The following TMEM184A variants were observed in gnomAD, a reference collection of about 807,000 sequenced individuals.
TMEM184A encodes sexually dimorphic, expressed in male gonads 1.
In TMEM184A, 40 loss-of-function variants were observed where a neutral mutation model predicts 39.5. The observed-to-expected ratio is 1.01, with a 90% CI of 0.79 to 1.32. The LOEUF is 1.32. Ranked by LOEUF, TMEM184A falls within the 40% of genes most tolerant of loss-of-function variation. The pLI is 0.00. For missense variants in TMEM184A, 603 were observed against 568.8 expected (o/e 1.06, Z -0.61); for synonymous variants, 280 against 252.3 (o/e 1.11, Z -1.04).
Position 1,545,242 on chromosome 7 carries a change from T to C in TMEM184A, c.*1710A>G, listed in dbSNP as rs900227363. Reference sequence around the variant, plus strand: ...TCCTGTGGGGATCCAATAAGACAGGTGGGCGTCTTTGCAGCCGTGCAGGGA... The same window carrying C: ...TCCTGTGGGGATCCAATAAGACAGGCGGGCGTCTTTGCAGCCGTGCAGGGA... On this transcript the variant is annotated 3_prime_UTR_variant, in exon 9 of 9. Coordinates refer to ENST00000297477, the MANE Select transcript of TMEM184A (RefSeq NM_001097620.2). 2.0e-5 allele frequency: 3 copies of C among 152,208 alleles called. No individual in the cohort carries two copies. Among genetic ancestry groups the C allele is most frequent in the African/African-American group, 7.3e-5 (3 of 41,370 alleles). The allele number at this position is 152,208 out of a possible 1,614,324, so 9.4% of individuals were successfully genotyped here. A position where few individuals can be genotyped will look rare whatever the true frequency, so the allele number is the denominator to read the frequency against.
rs1778504991 is a variant in TMEM184A at position 1,555,188 on chromosome 7, A to AG, written c.219+77dup. The AG allele has an allele frequency of 1.6e-6, 2 of 1,253,420 alleles. No individual in the cohort carries two copies. Among genetic ancestry groups the AG allele is most frequent in the African/African-American group, 1.5e-5 (1 of 66,520 alleles). The allele number at this position is 1,253,420 out of a possible 1,614,324, so 77.6% of individuals were successfully genotyped here. ...GACAGCGTCTATAGCAGCGGCACCCAGGGGGACCGGGCTGAGCCACGGCCA... is the reference window on the plus strand; with the variant it reads ...GACAGCGTCTATAGCAGCGGCACCCAGGGGGGACCGGGCTGAGCCACGGCCA... On this transcript the variant is annotated intron_variant, in intron 2 of 8. Transcript: ENST00000297477. The surrounding 1 kb of genome is among the most constrained non-coding windows in gnomAD (Gnocchi z 5.2).
chr7:1,547,867 C>A lies in TMEM184A; in HGVS notation c.887G>T (p.Gly296Val). 6.2e-7 allele frequency: 1 copy of A among 1,604,144 alleles called. No homozygotes were observed. The highest frequency in any genetic ancestry group is 2.3e-5 in the East Asian group (1 of 44,398). The change falls in exon 8 of 9, where the codon GGG becomes GTG. Residue 296 changes from glycine (G) to valine (V), a missense_variant. Coordinates refer to ENST00000297477, the MANE Select transcript of TMEM184A (RefSeq NM_001097620.2). ...EVETSGGNKL[G>V]AGTLAAGYQN... ...GTAGCCGGCGGCCAGCGTGCCAGCC[C>A]CCAGCTTGTTCCCGCCGCTGGTCTC...
intron 6 of TMEM184A, 104 bp downstream of exon 6, chr7:1,549,750 T>G: frequency 9.3e-7 from 1 of 1,080,378 alleles, no homozygotes; most frequent in Non-Finnish European, 1.3e-6. Flanking sequence ...CCACCTTACT[T>G]GAGCCCAGCT....
chr7:1,546,823 C>T lies in TMEM184A; in HGVS notation c.*129G>A, dbSNP rs1583211578. 3.2e-5 allele frequency: 20 copies of T among 631,232 alleles called. No individual in the cohort carries two copies. The East Asian group carries it at 3.7e-4, about 12-fold the overall frequency. 39.1% of individuals were successfully genotyped at this position (631,232 alleles called of 1,614,324 possible). A position where few individuals can be genotyped will look rare whatever the true frequency, so the allele number is the denominator to read the frequency against. ...TGGAGGGAGGATGGGAAGTGGGCTC[C>T]GAGGGCCTCACAGGTGGGCTCTCAG... is the stretch of plus-strand genomic sequence containing the variant. On this transcript the variant is annotated 3_prime_UTR_variant, in exon 9 of 9. Transcript: ENST00000297477.
At chr7:1,548,857 AGCGTGGGGAGCTGGGGGTG>A in intron 6 of TMEM184A, 169 bp from the exon 7 acceptor site, 1 of 845,158 alleles carries the variant, frequency 1.2e-6, no homozygotes, top group Non-Finnish European at 1.9e-6. Flanking sequence ...CCTGCAGGAG[AGCGTGGGGAGCTGGGGGTG>A]GCTGGGGGGC....
At chr7:1,552,072 G>A (rs1046359456) in intron 2 of TMEM184A, among the ~76,000 whole-genome samples, 4 of 151,884 alleles carry the variant, frequency 2.6e-5, no homozygotes, top group Non-Finnish European at 4.4e-5. Flanking sequence ...TTGAACTCCC[G>A]GGCTCGAGTG....
At position 1,544,803 on chromosome 7, in the gene TMEM184A, C is replaced by T. The variant is rs1260826694; in HGVS notation, c.*2149G>A. 1.3e-5 allele frequency: 2 copies of T among 152,272 alleles called. No homozygotes were observed. The highest frequency in any genetic ancestry group is 1.9e-4 in the East Asian group (1 of 5,192). The allele number at this position is 152,272 out of a possible 1,614,324, so 9.4% of individuals were successfully genotyped here. ...GCTCTGTGACCTCAGGCAACTTGCT[C>T]CGTCTCTCTGGGCTCGGTCGCTGTC... On this transcript the variant is annotated 3_prime_UTR_variant, in exon 9 of 9. Coordinates refer to ENST00000297477, the MANE Select transcript of TMEM184A (RefSeq NM_001097620.2).
Position 1,555,615 on chromosome 7 carries a change from C to A in TMEM184A, c.1-131G>T, listed in dbSNP as rs1450912774. 7 of 721,444 alleles carry A rather than the reference C, an allele frequency of 9.7e-6. No homozygotes were observed. In the Admixed American group the frequency reaches 1.3e-4, roughly 14 times the overall value. 44.7% of individuals were successfully genotyped at this position (721,444 alleles called of 1,614,324 possible). A position where few individuals can be genotyped will look rare whatever the true frequency, so the allele number is the denominator to read the frequency against. On this transcript the variant is annotated intron_variant, in intron 1 of 8. Transcript: ENST00000297477. The surrounding 1 kb of genome is among the most constrained non-coding windows in gnomAD (Gnocchi z 5.2). ...AGGCTGAGCCACCCACCAGGCCGCA[C>A]CCCCCACACGGACACCAGCGCCAGG...
chr7:1,547,180 G>T lies in TMEM184A; in HGVS notation c.1014C>A (p.Ala338=), dbSNP rs200991300. The T allele has an allele frequency of 1.2e-3, 1,955 of 1,573,596 alleles. 46 individuals are homozygous for T. The South Asian group carries it at 0.02, about 16-fold the overall frequency. ...AGATGCTCTGCATGGGTGCCGGGGG[G>T]GCTGGGGGAGGGCAGTGTATGAGCC... ...VYAEKKENSP[A]PPAPMQSISS... is the part of the protein sequence containing the mutation. The change falls in exon 9 of 9, where the codon GCC becomes GCA. Residue 338 remains alanine, a splice_region_variant and synonymous_variant. Transcript: ENST00000297477.
At position 1,547,809 on chromosome 7, in the gene TMEM184A, G is replaced by T; in HGVS notation, c.945C>A (p.Phe315Leu). ...QNFIICVEMLFASVALRYAFP... is the reference protein window; with the variant it reads ...QNFIICVEMLLASVALRYAFP... The stretch of plus-strand genomic sequence containing the variant: ...AGGCATAACGCAGGGCCACGGAGGC[G>T]AACAGCATCTCCACGCAGATGATGA... Residue 315 changes from phenylalanine to leucine, a missense_variant, in exon 8 of 9, where the codon TTC becomes TTA. Transcript: ENST00000297477. 1 of 1,612,834 alleles carries T rather than the reference G, an allele frequency of 6.2e-7. No individual in the cohort carries two copies. Among genetic ancestry groups the T allele is most frequent in the Non-Finnish European group, 8.5e-7 (1 of 1,179,856 alleles).
chr7:1,553,516 A>G (rs1239102021), intron 2 of TMEM184A, among the ~76,000 whole-genome samples: 1 of 152,144 alleles, frequency 6.6e-6, no homozygotes, highest in African/African-American at 2.4e-5. Context: ...GGGTCAGCCG[A>G]GCCTGGGAGC....
chr7:1,554,499 G>C (rs773332363), intron 2 of TMEM184A, among the ~76,000 whole-genome samples: 3 of 152,128 alleles, frequency 2.0e-5, no homozygotes, highest in African/African-American at 7.2e-5. Flanking sequence ...TGGCCCTCGC[G>C]GGCCTACACA....
chr7:1,556,026 G>T (rs936157715), intron 1 of TMEM184A, 88 bp downstream of exon 1: 14 of 184,854 alleles, frequency 7.6e-5, no homozygotes, highest in Non-Finnish European at 1.3e-4. Context: ...TAACCTGCTG[G>T]GGCCCTGAGT....
Position 1,546,707 on chromosome 7 carries a change from A to T in TMEM184A, c.*245T>A. ...GGCTGGGTGATCCCAGGGGGTCCCC[A>T]GGCTCTTCCGATTGGCTCAGGTGCC... On this transcript the variant is annotated 3_prime_UTR_variant, in exon 9 of 9. Coordinates refer to ENST00000297477, the MANE Select transcript of TMEM184A (RefSeq NM_001097620.2). The T allele has an allele frequency of 2.2e-6, 1 of 461,568 alleles. No homozygotes were observed. The highest frequency in any genetic ancestry group is 3.8e-6 in the Non-Finnish European group (1 of 262,232). 28.6% of individuals were successfully genotyped at this position (461,568 alleles called of 1,614,324 possible).
At position 1,546,143 on chromosome 7, in the gene TMEM184A, G is replaced by C. The variant is rs1486579738; in HGVS notation, c.*809C>G. The C allele has an allele frequency of 6.5e-6, 1 of 152,692 alleles. No individual in the cohort carries two copies. Among genetic ancestry groups the C allele is most frequent in the East Asian group, 1.9e-4 (1 of 5,194 alleles). 9.5% of individuals were successfully genotyped at this position (152,692 alleles called of 1,614,324 possible). A position where few individuals can be genotyped will look rare whatever the true frequency, so the allele number is the denominator to read the frequency against. On this transcript the variant is annotated 3_prime_UTR_variant, in exon 9 of 9. Coordinates refer to ENST00000297477, the MANE Select transcript of TMEM184A (RefSeq NM_001097620.2). ...AGGTGGGACCCCTTTCCCGCATGCAGACTCTGAGCAGCAGCCTCCTGTGAC... is the reference window on the plus strand; with the variant it reads ...AGGTGGGACCCCTTTCCCGCATGCACACTCTGAGCAGCAGCCTCCTGTGAC...
rs1006710463 is a variant in TMEM184A, at chr7:1,556,142, T to G, written c.-29A>C. ...TGCTGGCAGGAAGCACCTGGCCCAG[T>G]CCAGGGAGGCCTGGCCTCCAGGGAA... is the stretch of plus-strand genomic sequence containing the variant. On this transcript the variant is annotated 5_prime_UTR_variant, in exon 1 of 9. Transcript: ENST00000297477. 2.0e-5 allele frequency: 3 copies of G among 152,940 alleles called. No individual in the cohort carries two copies. The highest frequency in any genetic ancestry group is 7.2e-5 in the African/African-American group (3 of 41,470). 9.5% of individuals were successfully genotyped at this position (152,940 alleles called of 1,614,324 possible). A position where few individuals can be genotyped will look rare whatever the true frequency, so the allele number is the denominator to read the frequency against.
chr7:1,547,300 G>T (rs1313547880), intron 8 of TMEM184A, 119 bp from the exon 9 acceptor site: 2 of 657,476 alleles, frequency 3.0e-6, no homozygotes, highest in East Asian at 5.4e-5. Flanking sequence ...GCCTCGGCCA[G>T]CAGAGGGTGG....
At chr7:1,553,788 C>T (rs963210357) in intron 2 of TMEM184A, among the ~76,000 whole-genome samples, 1 of 152,100 alleles carries the variant, frequency 6.6e-6, no homozygotes, top group African/African-American at 2.4e-5. Flanking sequence ...TCTCCGGCCT[C>T]GGTCCTCCCA....
At chr7:1,550,740 T>C (rs2304360) in intron 3 of TMEM184A, 77 bp downstream of exon 3, 919,693 of 1,545,650 alleles carry the variant, frequency 0.6, 276,326 homozygotes, top group African/African-American at 0.74. Flanking sequence ...GGACTGGCCA[T>C]GGAAGAGTGT....
Sources: gnomAD v4.1 joint callset for allele counts (sites outside exome capture counted in the v4.1 genomes callset) on GRCh38, gnomAD v4.1.1 for gene constraint, Gnocchi (gnomAD v3.1) non-coding constraint, MANE v1.5 for transcripts, NCBI Gene and HGNC (gene_info 2026-07-23, HGNC 2026-07-21) for gene names.